CHIT1: variants seen among roughly 807,000 people sequenced by gnomAD.
The protein encoded by CHIT1 is chitinase 1.
CHIT1 carries 47 observed loss-of-function variants against 52.0 expected under a neutral mutation model. The observed-to-expected ratio is 0.90, with a 90% CI of 0.71 to 1.15. The LOEUF (loss-of-function observed/expected upper bound fraction) is 1.15. Ranked by LOEUF, CHIT1 falls within the 50% of genes most tolerant of loss-of-function variation. The pLI, the probability that CHIT1 is intolerant of heterozygous loss-of-function variation, is 0.00. For missense variants in CHIT1, 569 were observed against 583.0 expected (o/e 0.98, Z 0.25); for synonymous variants, 242 against 228.2 (o/e 1.06, Z -0.54).
At chr1:203,223,692 C>T (rs10920586) in intron 4 of CHIT1, 32 bp from the exon 5 acceptor site, 481,133 of 1,611,422 alleles carry the variant, frequency 0.3, 73,324 homozygotes, top group Admixed American at 0.43. Context: ...TAAGGGCCGG[C>T]CTTGGACCAG....
intron 9 of CHIT1, 94 bp downstream of exon 9, chr1:203,219,122 A>T (rs1238489754): frequency 1.3e-6 from 1 of 784,914 alleles, no homozygotes; most frequent in African/African-American, 1.7e-5. Flanking sequence ...TTTAAAGGAG[A>T]CTCACCCTTG....
chr1:203,222,858 C>A (rs1022559703), intron 6 of CHIT1, among the ~76,000 whole-genome samples: 50 of 152,148 alleles, frequency 3.3e-4, no homozygotes, highest in Non-Finnish European at 1.5e-4. Context: ...GAGGCATTTT[C>A]ACCTTAAGAA....
intron 3 of CHIT1, among the ~76,000 whole-genome samples, chr1:203,225,465 C>T (rs1000888672): frequency 6.6e-6 from 1 of 152,272 alleles, no homozygotes; most frequent in Middle Eastern, 3.4e-3. Flanking sequence ...TAGACCTAAA[C>T]TGGAAGGGAC....
At chr1:203,217,467 C>T (rs764110179) in intron 10 of CHIT1, 93 of 1,286,976 alleles carry the variant, frequency 7.2e-5, no homozygotes, top group Non-Finnish European at 9.7e-5. Context: ...GAACAAGGTG[C>T]TGCTCCCAGT....
intron 8 of CHIT1, 128 bp from the exon 9 acceptor site, chr1:203,219,457 C>T (rs1386531206): frequency 1.2e-6 from 1 of 865,554 alleles, no homozygotes; most frequent in Non-Finnish European, 1.9e-6. Context: ...TCAGGAGGTT[C>T]TTTGCAGTGA....
At chr1:203,223,786 G>C in intron 4 of CHIT1, 126 bp from the exon 5 acceptor site, 1 of 983,580 alleles carries the variant, frequency 1.0e-6, no homozygotes, top group Non-Finnish European at 1.6e-6. Context: ...GGGGCACTGG[G>C]AGGGCTGCTT....
chr1:203,216,156 C>A lies in CHIT1; in HGVS notation c.*733G>T. 2.2e-6 allele frequency: 1 copy of A among 454,124 alleles called. No homozygotes were observed. Among genetic ancestry groups the A allele is most frequent in the Non-Finnish European group, 4.4e-6 (1 of 226,796 alleles). The allele number at this position is 454,124 out of a possible 1,614,324, so 28.1% of individuals were successfully genotyped here. A position where few individuals can be genotyped will look rare whatever the true frequency, so the allele number is the denominator to read the frequency against. On this transcript the variant is annotated 3_prime_UTR_variant, in exon 11 of 11. Coordinates refer to ENST00000367229, the MANE Select transcript of CHIT1 (RefSeq NM_003465.3). ...CCATTTCAGGCCTTGGTTCTGGACT[C>A]AGAATTGGTTAGAATCAGTCTTCAG...
rs780662076 is a variant in CHIT1, at chr1:203,216,334, T to G, written c.*555A>C. On this transcript the variant is annotated 3_prime_UTR_variant, in exon 11 of 11. Coordinates refer to ENST00000367229, the MANE Select transcript of CHIT1 (RefSeq NM_003465.3). Reference sequence around the variant, plus strand: ...TCTGAATTCTTAGTGTAATGCTGAGTGGCTGCTCGCAGAGCGCTTAAATCA... The same window carrying G: ...TCTGAATTCTTAGTGTAATGCTGAGGGGCTGCTCGCAGAGCGCTTAAATCA... 6.6e-6 allele frequency: 3 copies of G among 454,040 alleles called. No homozygotes were observed. Among genetic ancestry groups the G allele is most frequent in the South Asian group, 4.7e-5 (3 of 64,480 alleles). 28.1% of individuals were successfully genotyped at this position (454,040 alleles called of 1,614,324 possible).
rs151004649 is a variant in CHIT1, at chr1:203,223,232, C to A, written c.508G>T (p.Ala170Ser). ...AGGCGTTCCTTCCCTGAGGTCTGGG[C>A]TTCCTGCTGGAAGGCATTGGCCAAG... is the stretch of plus-strand genomic sequence containing the variant. ...QDLANAFQQE[A>S]QTSGKERLLL... Residue 170 changes from alanine to serine, a missense_variant, in exon 6 of 11, where the codon GCC becomes TCC. By Grantham distance (99) the Ala-to-Ser change is moderately conservative. Transcript: ENST00000367229. 4.2e-4 allele frequency: 676 copies of A among 1,614,218 alleles called. 8 individuals are homozygous for A. In the East Asian group the frequency reaches 0.014, roughly 34 times the overall value.
intron 10 of CHIT1, chr1:203,217,499 G>A: frequency 8.8e-7 from 1 of 1,139,928 alleles, no homozygotes; most frequent in Non-Finnish European, 1.3e-6. Context: ...CTGGAGGGAA[G>A]CCACGGTTAC....
Position 203,223,612 on chromosome 1 carries a change from G to C in CHIT1, c.363C>G (p.Asn121Lys). 1 of 1,614,264 alleles carries C rather than the reference G, an allele frequency of 6.2e-7. No individual in the cohort carries two copies. The highest frequency in any genetic ancestry group is 8.5e-7 in the Non-Finnish European group (1 of 1,180,050). Residue 121 changes from asparagine to lysine, a missense_variant, in exon 5 of 11, where the codon AAC (asparagine) becomes AAG (lysine). Coordinates refer to ENST00000367229, the MANE Select transcript of CHIT1 (RefSeq NM_003465.3). ...ATTTGCGCAGAAACCTGATGGCCGA[G>C]TTGACAAAGGTCTGACGGTTGTTGG... ...ATANNRQTFV[N>K]SAIRFLRKYS...
Position 203,225,854 on chromosome 1 carries a change from C to G in CHIT1, c.72G>C (p.Leu24=). 6 of 1,614,122 alleles carry G rather than the reference C, an allele frequency of 3.7e-6. No individual in the cohort carries two copies. The highest frequency in any genetic ancestry group is 5.1e-6 in the Non-Finnish European group (6 of 1,180,030). The change falls in exon 3 of 11, where the codon CTG becomes CTC. Residue 24 remains leucine (L), a synonymous_variant. Transcript: ENST00000367229. ...GGGCCCAGTTGGTGAAGTAGCAGAC[C>G]AGTTTTGCAGCAGAGCCTGGCCCGT... is the stretch of plus-strand genomic sequence containing the variant. ...LMIPWGSAAK[L]VCYFTNWAQY... is the part of the protein sequence containing the mutation.
intron 7 of CHIT1, 54 bp from the exon 8 acceptor site, chr1:203,219,903 T>C (rs1656672613): frequency 6.3e-7 from 1 of 1,598,822 alleles, no homozygotes; most frequent in African/African-American, 1.3e-5. Context: ...GTTCTGATTA[T>C]CTAAGTCTGG....
intron 6 of CHIT1, 30 bp downstream of exon 6, chr1:203,223,105 A>G: frequency 1.9e-6 from 3 of 1,613,688 alleles, no homozygotes; most frequent in Non-Finnish European, 1.7e-6. Context: ...CTCAGAGAGC[A>G]CAGCTCCAAG....
At chr1:203,221,361 T>A (rs528543894) in intron 7 of CHIT1, among the ~76,000 whole-genome samples, 1 of 152,194 alleles carries the variant, frequency 6.6e-6, no homozygotes, top group African/African-American at 2.4e-5. Context: ...AGGCTGGGCA[T>A]GTTGGCTTGT....
rs185348676 is a variant in CHIT1, at chr1:203,222,427, C to T, written c.606-102G>A. 1.1e-5 allele frequency: 18 copies of T among 1,565,388 alleles called. No individual in the cohort carries two copies. In the African/African-American group the frequency reaches 1.8e-4, roughly 15 times the overall value. On this transcript the variant is annotated intron_variant, in intron 6 of 10. Coordinates refer to ENST00000367229, the MANE Select transcript of CHIT1 (RefSeq NM_003465.3). ...CTCAGTGCATGGCCTAGGGAGGAACCACTGGGGTCAGAGGCAAAGGTGGCA... is the reference window on the plus strand; with the variant it reads ...CTCAGTGCATGGCCTAGGGAGGAACTACTGGGGTCAGAGGCAAAGGTGGCA...
chr1:203,217,879 G>T lies in CHIT1; in HGVS notation c.1030-14C>A. The T allele has an allele frequency of 2.9e-6, 4 of 1,392,272 alleles. No individual in the cohort carries two copies. Among genetic ancestry groups the T allele is most frequent in the Non-Finnish European group, 3.8e-6 (4 of 1,052,912 alleles). The allele number at this position is 1,392,272 out of a possible 1,614,324, so 86.2% of individuals were successfully genotyped here. On this transcript the variant is annotated splice_polypyrimidine_tract_variant and intron_variant, in intron 9 of 10. Coordinates refer to ENST00000367229, the MANE Select transcript of CHIT1 (RefSeq NM_003465.3). ...CAGATAGCTGACCTGTGCAGGGAGG[G>T]GATGCAGTGGAGGAGCCCGGGGAAG...
At chr1:203,221,248 T>A (rs2102235236) in intron 7 of CHIT1, among the ~76,000 whole-genome samples, 1 of 152,358 alleles carries the variant, frequency 6.6e-6, no homozygotes, top group South Asian at 2.1e-4. Flanking sequence ...GTTTTGCTTG[T>A]TTTAAGAAAG....
intron 7 of CHIT1, among the ~76,000 whole-genome samples, chr1:203,220,078 C>A (rs757167967): frequency 2.6e-5 from 4 of 152,130 alleles, no homozygotes; most frequent in Non-Finnish European, 2.9e-5. Context: ...GGGCTTCGGA[C>A]GCAGACAACC....
Sources: allele counts gnomAD v4.1 joint callset (sites outside exome capture counted in the v4.1 genomes callset), GRCh38; gene constraint gnomAD v4.1.1; transcripts MANE v1.5; gene names NCBI Gene and HGNC (gene_info 2026-07-23, HGNC 2026-07-21).